The following ZNF37A variants were observed in gnomAD, a reference collection of about 807,000 sequenced individuals.
The protein encoded by ZNF37A is zinc finger protein 37a (KOX 21).
In ZNF37A, 10 loss-of-function variants were observed where a neutral mutation model predicts 12.3. The observed-to-expected ratio is 0.82, with a 90% CI of 0.50 to 1.38. ZNF37A has a LOEUF of 1.38. ZNF37A is among the 40% of genes most tolerant of loss of function. The pLI is 0.00. For missense variants in ZNF37A, 580 were observed against 651.2 expected, an observed-to-expected ratio of 0.89 and a Z score of 1.19; for synonymous variants, 207 against 223.0, an observed-to-expected ratio of 0.93 and a Z score of 0.64.
chr10:38,103,623 G>GA (rs1420004462), intron 5 of ZNF37A, among the ~76,000 whole-genome samples: 1 of 152,020 alleles, frequency 6.6e-6, no homozygotes, highest in Non-Finnish European at 1.5e-5. Context: ...ATTTTTTATT[G>GA]AAAACTGAAC....
intron 7 of ZNF37A, among the ~76,000 whole-genome samples, chr10:38,145,162 C>T (rs1985260): frequency 0.18 from 27,175 of 151,982 alleles, 2,561 homozygotes; most frequent in East Asian, 0.25. Flanking sequence ...TATTGATTTT[C>T]ACACGCTCCC....
At chr10:38,148,715 G>A (rs1335212871) in exon 8 of ZNF37A, 1 of 152,226 alleles carries the variant, frequency 6.6e-6, no homozygotes, top group Non-Finnish European at 1.5e-5. Context: ...GCAGCCCTAG[G>A]TATGGTTCTA....
intron 5 of ZNF37A, among the ~76,000 whole-genome samples, chr10:38,105,416 G>C (rs967095733): frequency 9.2e-5 from 14 of 152,108 alleles, no homozygotes; most frequent in African/African-American, 3.4e-4. Flanking sequence ...ATTCAAATCA[G>C]ATTTGATGTA....
intron 5 of ZNF37A, among the ~76,000 whole-genome samples, chr10:38,111,529 A>C (rs574981173): frequency 6.6e-6 from 1 of 152,096 alleles, no homozygotes. Context: ...TTTACTGTCA[A>C]ATACTCAATC....
chr10:38,148,208 T>C (rs1264132953), exon 8 of ZNF37A: 2 of 152,202 alleles, frequency 1.3e-5, no homozygotes, highest in Non-Finnish European at 2.9e-5. Flanking sequence ...ACCTCTTGCA[T>C]ACAGATGAGC....
chr10:38,145,939 A>G (rs2070247784), intron 7 of ZNF37A, among the ~76,000 whole-genome samples: 1 of 152,054 alleles, frequency 6.6e-6, no homozygotes, highest in African/African-American at 2.4e-5. Flanking sequence ...ATCTCTGCTA[A>G]AAGTACAAAA....
At chr10:38,105,388 A>G (rs1196272038) in intron 5 of ZNF37A, among the ~76,000 whole-genome samples, 1 of 152,212 alleles carries the variant, frequency 6.6e-6, no homozygotes, top group Non-Finnish European at 1.5e-5. Context: ...GGAATTATCC[A>G]TAGTTGCTAT....
At chr10:38,098,536 C>T (rs544930417) in intron 5 of ZNF37A, among the ~76,000 whole-genome samples, 1 of 152,282 alleles carries the variant, frequency 6.6e-6, no homozygotes, top group South Asian at 2.1e-4. Flanking sequence ...GTGTTATCAT[C>T]TTAATATTAA....
intron 5 of ZNF37A, among the ~76,000 whole-genome samples, chr10:38,100,362 C>T (rs1182756344): frequency 6.6e-6 from 1 of 152,074 alleles, no homozygotes; most frequent in Non-Finnish European, 1.5e-5. Context: ...TGGGAATTTC[C>T]TCTTCCTAAT....
rs1425146713 is a variant in ZNF37A at position 38,119,690 on chromosome 10, A to G, written c.*853A>G. 2 of 152,620 alleles carry G rather than the reference A, an allele frequency of 1.3e-5. No individual in the cohort carries two copies. Among genetic ancestry groups the G allele is most frequent in the South Asian group, 2.1e-4 (1 of 4,840 alleles). 9.5% of individuals were successfully genotyped at this position (152,620 alleles called of 1,614,324 possible). A position where few individuals can be genotyped will look rare whatever the true frequency, so the allele number is the denominator to read the frequency against. On this transcript the variant is annotated 3_prime_UTR_variant, in exon 8 of 8. Transcript: ENST00000685332. ...AAAGACGCCACTCAAGCCAATGGCT[A>G]TAAGTAGTTCAAAGGTTTATTGCTT...
At chr10:38,103,103 G>C (rs1440484835) in intron 5 of ZNF37A, among the ~76,000 whole-genome samples, 1 of 152,130 alleles carries the variant, frequency 6.6e-6, no homozygotes, top group East Asian at 1.9e-4. Context: ...AAGGTCTTCA[G>C]ACATTGTTTC....
chr10:38,112,796 T>TCGGTC lies in ZNF37A; in HGVS notation c.16-1959_16-1958insCGGTC, dbSNP rs1564932659. ...TTTTCTTTTCTTTTCTTTTCTTTTCTTGTCTTGTCTTGTCTTCTTTTCTTT... is the reference window on the plus strand; with the variant it reads ...TTTTCTTTTCTTTTCTTTTCTTTTCTCGGTCTGTCTTGTCTTGTCTTCTTTTCTTT... On this transcript the variant is annotated intron_variant, in intron 5 of 7. Coordinates refer to ENST00000685332, the MANE Select transcript of ZNF37A (RefSeq NM_001324250.3). 1.4e-3 allele frequency among the ~76,000 whole-genome samples: 65 copies of TCGGTC among 47,584 alleles called. 6 individuals carry two copies. The highest frequency in any genetic ancestry group is 8.6e-3 in the Middle Eastern group (1 of 116). 31.2% of individuals were successfully genotyped at this position (47,584 alleles called of 152,430 possible).
intron 7 of ZNF37A, among the ~76,000 whole-genome samples, chr10:38,132,897 A>G (rs1363606197): frequency 6.6e-6 from 1 of 151,704 alleles, no homozygotes; most frequent in Non-Finnish European, 1.5e-5. Context: ...ATTATCATAG[A>G]ATTGTTTATT....
At chr10:38,110,849 T>C (rs1164676458) in intron 5 of ZNF37A, among the ~76,000 whole-genome samples, 1 of 152,158 alleles carries the variant, frequency 6.6e-6, no homozygotes, top group Non-Finnish European at 1.5e-5. Context: ...CTGGAGAGGA[T>C]ATAGAGAAAT....
Position 38,115,177 on chromosome 10 carries a change from T to A in ZNF37A, c.143-18T>A. The A allele has an allele frequency of 6.3e-7, 1 of 1,583,106 alleles. No individual in the cohort carries two copies. The highest frequency in any genetic ancestry group is 8.6e-7 in the Non-Finnish European group (1 of 1,160,708). On this transcript the variant is annotated intron_variant, in intron 6 of 7. Coordinates refer to ENST00000685332, the MANE Select transcript of ZNF37A (RefSeq NM_001324250.3). ...AACCCACCCAGTTTGTCCCAAGTAA[T>A]ACAATTCTCATTCACAGGGTATTGC...
chr10:38,113,881 A>G (rs1329401350), intron 5 of ZNF37A, among the ~76,000 whole-genome samples: 5 of 152,202 alleles, frequency 3.3e-5, no homozygotes, highest in Non-Finnish European at 5.9e-5. Flanking sequence ...CAGGGAGCCT[A>G]TGGCCTAAAG....
Position 38,118,644 on chromosome 10 carries a change from A to C in ZNF37A, c.1493A>C (p.Asn498Thr), listed in dbSNP as rs751523143. The change falls in exon 8 of 8, where the codon AAT (asparagine) becomes ACT (threonine). Residue 498 changes from asparagine (N) to threonine (T), a missense_variant. Coordinates refer to ENST00000685332, the MANE Select transcript of ZNF37A (RefSeq NM_001324250.3). ...ATAAGACAGAAACCCTATGGATGTA[A>C]TCAATGTGGAAAATCATTCTGTGTG... ...THIRQKPYGC[N>T]QCGKSFCVKS... 6.2e-7 allele frequency: 1 copy of C among 1,613,446 alleles called. No individual in the cohort carries two copies. Among genetic ancestry groups the C allele is most frequent in the South Asian group, 1.1e-5 (1 of 91,058 alleles).
chr10:38,119,306 A>T lies in ZNF37A; in HGVS notation c.*469A>T, dbSNP rs1034165671. 1.9e-6 allele frequency: 2 copies of T among 1,034,420 alleles called. No homozygotes were observed. The highest frequency in any genetic ancestry group is 4.6e-5 in the Admixed American group (1 of 21,958). The allele number at this position is 1,034,420 out of a possible 1,614,324, so 64.1% of individuals were successfully genotyped here. ...AGAACTCATATAAGACAGAAACCCTATGGGTGTAATGAATGTGGAAAATCA... is the reference window on the plus strand; with the variant it reads ...AGAACTCATATAAGACAGAAACCCTTTGGGTGTAATGAATGTGGAAAATCA... On this transcript the variant is annotated 3_prime_UTR_variant, in exon 8 of 8. Coordinates refer to ENST00000685332, the MANE Select transcript of ZNF37A (RefSeq NM_001324250.3).
intron 7 of ZNF37A, among the ~76,000 whole-genome samples, chr10:38,131,072 C>T (rs1382895500): frequency 1.3e-5 from 2 of 151,974 alleles, no homozygotes; most frequent in South Asian, 2.1e-4. Flanking sequence ...ATTGTGGTGG[C>T]GTTATTCATG....
Sources: gnomAD v4.1 joint callset for allele counts (sites outside exome capture counted in the v4.1 genomes callset) on GRCh38, gnomAD v4.1.1 for gene constraint, MANE v1.5 for transcripts, NCBI Gene and HGNC (gene_info 2026-07-23, HGNC 2026-07-21) for gene names.